NBN: variants seen among roughly 807,000 people sequenced by gnomAD.
The protein encoded by NBN is Nijmegen breakage syndrome 1 (nibrin).
A neutral mutation model predicts 90.8 loss-of-function variants in NBN; 88 were observed. That is an observed-to-expected ratio of 0.97 (90% CI 0.82 to 1.16). The LOEUF is 1.16. NBN is among the 50% of genes most tolerant of loss of function. NBN has a pLI of 0.00. For synonymous variants in NBN, 328 were observed against 295.1 expected (o/e 1.11, Z -1.14); for missense variants, 894 against 869.6 (o/e 1.03, Z -0.35).
chr8:89,959,671 T>C (rs1363058804), intron 8 of NBN, among the ~76,000 whole-genome samples: 2 of 152,200 alleles, frequency 1.3e-5, no homozygotes, highest in African/African-American at 4.8e-5. Context: ...GGAGGATCAC[T>C]TGAGCCCAGG....
intron 10 of NBN, among the ~76,000 whole-genome samples, chr8:89,954,500 A>G (rs1810603966): frequency 6.6e-6 from 1 of 152,078 alleles, no homozygotes. Flanking sequence ...CCAGAGGACA[A>G]GAGTCAAAAA....
intron 9 of NBN, 115 bp from the exon 10 acceptor site, chr8:89,955,670 G>T: frequency 8.4e-7 from 1 of 1,190,812 alleles, no homozygotes; most frequent in Non-Finnish European, 1.2e-6. Flanking sequence ...ATAATTTTTA[G>T]ACAAAAATAC....
intron 14 of NBN, among the ~76,000 whole-genome samples, chr8:89,938,458 CTCTCTA>C (rs1001370442): frequency 1.3e-5 from 2 of 152,026 alleles, no homozygotes; most frequent in Admixed American, 6.6e-5. Context: ...CTCTCTCTCT[CTCTCTA>C]TATGTGTGTG....
intron 14 of NBN, 60 bp from the exon 15 acceptor site, chr8:89,937,135 T>A: frequency 6.7e-7 from 1 of 1,488,230 alleles, no homozygotes; most frequent in South Asian, 1.1e-5. Flanking sequence ...GTTAATGAAT[T>A]GCTATAGTGA....
intron 12 of NBN, chr8:89,946,618 T>C (rs1416093965): frequency 7.1e-6 from 2 of 281,978 alleles, no homozygotes; most frequent in Non-Finnish European, 6.8e-6. Flanking sequence ...TCCAGATATA[T>C]ATCTTATTGA....
intron 11 of NBN, among the ~76,000 whole-genome samples, chr8:89,950,485 G>T (rs1475514878): frequency 1.3e-5 from 2 of 151,896 alleles, no homozygotes; most frequent in Non-Finnish European, 2.9e-5. Flanking sequence ...ATCACAGGTT[G>T]GTAAAATCAG....
chr8:89,980,852 T>C lies in NBN; in HGVS notation c.362A>G (p.Asp121Gly), dbSNP rs770163751. Residue 121 changes from aspartate (D) to glycine (G), a missense_variant, in exon 4 of 16, where the codon GAT becomes GGT. Physicochemically the swap from Asp to Gly is moderately conservative, Grantham distance 94 (BLOSUM62 -1). Transcript: ENST00000265433. ...EPLVACSSCL[D>G]VSGKTALNQA... The stretch of plus-strand genomic sequence containing the variant: ...ATTTAAAGCAGTTTTCCCAGAGACA[T>C]CTAAACAAGAAGAGCATGCAACCAA... 2 of 1,612,456 alleles carry C rather than the reference T, an allele frequency of 1.2e-6. No homozygotes were observed. Among genetic ancestry groups the C allele is most frequent in the East Asian group, 2.2e-5 (1 of 44,784 alleles).
At chr8:89,961,990 C>T (rs1811011690) in intron 8 of NBN, among the ~76,000 whole-genome samples, 1 of 152,060 alleles carries the variant, frequency 6.6e-6, no homozygotes, top group African/African-American at 2.4e-5. Context: ...AATTTCAGGT[C>T]TTGGTGATAA....
intron 1 of NBN, chr8:89,984,277 A>T (rs1176174728): frequency 3.4e-6 from 2 of 587,332 alleles, no homozygotes; most frequent in Non-Finnish European, 6.2e-6. Flanking sequence ...GAGTCAGGGG[A>T]GGGGCGCGGA....
rs374519232 is a variant in NBN at position 89,965,775 on chromosome 8, C to T, written c.897-1268G>A. 2.9e-4 allele frequency among the ~76,000 whole-genome samples: 44 copies of T among 152,294 alleles called. No homozygotes were observed. The East Asian group carries it at 7.5e-3, about 26-fold the overall frequency. ...AAAGTGCTGGGATTACAGGCGTGAACCACCTTGCTCAGTCAAGATATTTTA... is the reference window on the plus strand; with the variant it reads ...AAAGTGCTGGGATTACAGGCGTGAATCACCTTGCTCAGTCAAGATATTTTA... On this transcript the variant is annotated intron_variant, in intron 7 of 15. Coordinates refer to ENST00000265433, the MANE Select transcript of NBN (RefSeq NM_002485.5).
intron 9 of NBN, among the ~76,000 whole-genome samples, chr8:89,957,065 A>C (rs770497143): frequency 3.9e-5 from 6 of 152,236 alleles, no homozygotes; most frequent in African/African-American, 7.2e-5. Flanking sequence ...TGTATTTACT[A>C]TATTATACTT....
At chr8:89,957,024 A>G (rs1810747872) in intron 9 of NBN, among the ~76,000 whole-genome samples, 5 of 152,236 alleles carry the variant, frequency 3.3e-5, no homozygotes, top group Admixed American at 3.3e-4. Flanking sequence ...AATACTTGAT[A>G]ATGATAATAA....
intron 12 of NBN, chr8:89,946,567 GTAGT>G: frequency 5.4e-6 from 2 of 368,330 alleles, no homozygotes; most frequent in East Asian, 6.3e-5. Flanking sequence ...TTTTAACCTA[GTAGT>G]TATTCTAATA....
At chr8:89,945,397 A>G (rs1810141161) in intron 13 of NBN, among the ~76,000 whole-genome samples, 1 of 152,218 alleles carries the variant, frequency 6.6e-6, no homozygotes, top group Admixed American at 6.5e-5. Flanking sequence ...CAAAAAACTA[A>G]TTTAACTGTG....
Position 89,953,254 on chromosome 8 carries a change from C to G in NBN, c.1835G>C (p.Ser612Thr). Reference sequence around the variant, plus strand: ...TAAAATGTTACTTACAGATATTTTGCTACTTTCTGGTACTGCTTCATCACT... The same window carrying G: ...TAAAATGTTACTTACAGATATTTTGGTACTTTCTGGTACTGCTTCATCACT... ...TFSDEAVPESSKISQENEIGK... is the reference protein window; with the variant it reads ...TFSDEAVPESTKISQENEIGK... The change falls in exon 11 of 16, where the codon AGC becomes ACC. Residue 612 changes from serine (S) to threonine (T), a missense_variant. Transcript: ENST00000265433. 1 of 1,607,060 alleles carries G rather than the reference C, an allele frequency of 6.2e-7. No homozygotes were observed. The highest frequency in any genetic ancestry group is 8.5e-7 in the Non-Finnish European group (1 of 1,174,398).
At chr8:89,936,087 C>CTTTTTTTTT (rs35393048) in intron 15 of NBN, 3 of 280,628 alleles carry the variant, frequency 1.1e-5, no homozygotes, top group Non-Finnish European at 2.0e-5. Flanking sequence ...TCTGTCAACA[C>CTTTTTTTTT]TTTTTTTTTT....
At position 89,974,465 on chromosome 8, in the gene NBN, T is replaced by C. The variant is rs368790566; in HGVS notation, c.585-3175A>G. ...AGATTATTTCAGGCCAATGTGTCTG[T>C]TGGGTCTGAGATTTGATTATCAGCT... is the stretch of plus-strand genomic sequence containing the variant. On this transcript the variant is annotated intron_variant, in intron 5 of 15. Transcript: ENST00000265433. 1.2e-4 allele frequency among the ~76,000 whole-genome samples: 19 copies of C among 152,268 alleles called. No homozygotes were observed. The East Asian group carries it at 3.5e-3, about 28-fold the overall frequency.
chr8:89,939,258 AG>A lies in NBN; in HGVS notation c.2185-2184del, dbSNP rs1051319835. ...TAGAAAAAGAATAGCTGCAGCAAACAGGGAAATGAGATGGCAGTACAGAACA... is the reference window on the plus strand; with the variant it reads ...TAGAAAAAGAATAGCTGCAGCAAACAGGAAATGAGATGGCAGTACAGAACA... On this transcript the variant is annotated intron_variant, in intron 14 of 15. Transcript: ENST00000265433. 1.5e-4 allele frequency among the ~76,000 whole-genome samples: 7 copies of A among 46,818 alleles called. No individual in the cohort carries two copies. The African/African-American group carries it at 3.3e-3, about 22-fold the overall frequency. The allele number at this position is 46,818 out of a possible 152,430, so 30.7% of individuals were successfully genotyped here.
chr8:89,968,974 T>C (rs1811379142), intron 7 of NBN, among the ~76,000 whole-genome samples: 2 of 152,352 alleles, frequency 1.3e-5, no homozygotes, highest in Middle Eastern at 6.8e-3. Context: ...AGTAAAATAT[T>C]TATAGGATAG....
Sources: gnomAD v4.1 joint callset for allele counts (sites outside exome capture counted in the v4.1 genomes callset) on GRCh38, gnomAD v4.1.1 for gene constraint, MANE v1.5 for transcripts, NCBI Gene and HGNC (gene_info 2026-07-23, HGNC 2026-07-21) for gene names.